The following RPH3A variants were observed in gnomAD, a reference collection of about 807,000 sequenced individuals.
RPH3A encodes the protein rabphilin 3A, also known as rabphilin-3A.
Under a neutral mutation model 102.2 loss-of-function variants are expected in RPH3A, and 48 were observed. That is an observed-to-expected ratio of 0.47 (90% CI 0.37 to 0.60). The LOEUF (loss-of-function observed/expected upper bound fraction) is 0.60. Ranked by LOEUF, RPH3A falls within the 20% of genes least tolerant of loss-of-function variation. RPH3A has a pLI of 0.00. For synonymous variants in RPH3A, 310 were observed against 324.3 expected (o/e 0.96, Z 0.47); for missense variants, 781 against 910.1 (o/e 0.86, Z 1.83).
Position 112,828,183 on chromosome 12 carries a change from C to G in RPH3A, c.-18-118C>G, listed in dbSNP as rs770337835. On this transcript the variant is annotated intron_variant, in intron 2 of 21. Coordinates refer to ENST00000389385, the MANE Select transcript of RPH3A (RefSeq NM_001143854.2). ...ACTCCCCATCTGGAAAATGAAGAAA[C>G]TGGATTTAGTTCTCTGTCTTCTCTA... The G allele has an allele frequency of 7.0e-5, 50 of 710,798 alleles. 1 individual carries two copies. The highest frequency in any genetic ancestry group is 1.1e-4 in the Non-Finnish European group (45 of 413,594). 44.0% of individuals were successfully genotyped at this position (710,798 alleles called of 1,614,324 possible).
chr12:112,584,042 C>T (rs2135959876), intron 1 of RPH3A, among the ~76,000 whole-genome samples: 1 of 152,270 alleles, frequency 6.6e-6, no homozygotes, highest in African/African-American at 2.4e-5. Context: ...TTTATGGACT[C>T]TGAGACTCTT....
chr12:112,771,881 A>G (rs2040929746), intron 1 of RPH3A, among the ~76,000 whole-genome samples: 1 of 152,234 alleles, frequency 6.6e-6, no homozygotes, highest in African/African-American at 2.4e-5. Context: ...ATAAGAAAAT[A>G]CAAAGAACAT....
chr12:112,763,276 C>G (rs1169847859), intron 1 of RPH3A, among the ~76,000 whole-genome samples: 1 of 152,216 alleles, frequency 6.6e-6, no homozygotes, highest in Admixed American at 6.5e-5. Flanking sequence ...AAGAGTCAAA[C>G]TCTGTAAAAT....
chr12:112,732,112 G>A (rs537565686), intron 1 of RPH3A, among the ~76,000 whole-genome samples: 43 of 152,262 alleles, frequency 2.8e-4, no homozygotes, highest in South Asian at 2.1e-4. Flanking sequence ...AAGCGTTTCT[G>A]GAGGCATGAA....
chr12:112,853,826 GAA>G (rs539988681), intron 5 of RPH3A, among the ~76,000 whole-genome samples: 1 of 138,122 alleles, frequency 7.2e-6, no homozygotes. Flanking sequence ...AGACTGTCTA[GAA>G]AAAAAAAAAA....
intron 1 of RPH3A, among the ~76,000 whole-genome samples, chr12:112,670,138 AT>A (rs2040117360): frequency 6.6e-6 from 1 of 152,208 alleles, no homozygotes; most frequent in African/African-American, 2.4e-5. Flanking sequence ...GGCGATATCC[AT>A]TTACTCATCC....
At position 112,609,559 on chromosome 12, in the gene RPH3A, T is replaced by C. The variant is rs566963032; in HGVS notation, c.-140+34240T>C. ...GTCCTGGATTCCTTCCAGTCTGCAC[T>C]AGGTGCTCCTTCTTGGTGCTCTCAC... On this transcript the variant is annotated intron_variant, in intron 1 of 21. Transcript: ENST00000543106. 8.5e-5 allele frequency among the ~76,000 whole-genome samples: 13 copies of C among 152,352 alleles called. No individual in the cohort carries two copies. The South Asian group carries it at 2.7e-3, about 32-fold the overall frequency.
chr12:112,613,441 G>T (rs2039654411), intron 1 of RPH3A, among the ~76,000 whole-genome samples: 1 of 152,094 alleles, frequency 6.6e-6, no homozygotes, highest in South Asian at 2.1e-4. Flanking sequence ...TGGAGTAATG[G>T]CTCCCAAAGA....
chr12:112,581,152 A>G (rs1447325338), intron 1 of RPH3A, among the ~76,000 whole-genome samples: 1 of 152,238 alleles, frequency 6.6e-6, no homozygotes, highest in African/African-American at 2.4e-5. Context: ...CATGCTGCTA[A>G]TAGAGACATA....
intron 1 of RPH3A, among the ~76,000 whole-genome samples, chr12:112,765,914 C>G (rs918213525): frequency 1.3e-5 from 2 of 152,186 alleles, no homozygotes; most frequent in East Asian, 3.8e-4. Context: ...AACTCAATGG[C>G]AGGAACTATG....
Position 112,865,959 on chromosome 12 carries a change from A to G in RPH3A, c.360+416A>G, listed in dbSNP as rs376281987. 2.4e-4 allele frequency among the ~76,000 whole-genome samples: 37 copies of G among 152,340 alleles called. 1 individual carries two copies. Among genetic ancestry groups the G allele is most frequent in the South Asian group, 1.9e-3 (9 of 4,828 alleles). ...CGTATCCTGGGTTCTGATACAAGAA[A>G]CTTAGAAAGCCAAGTTAGAATTATT... On this transcript the variant is annotated intron_variant, in intron 6 of 21. Transcript: ENST00000389385.
Position 112,767,318 on chromosome 12 carries a change from C to T in RPH3A, c.-139-24825C>T, listed in dbSNP as rs543525359. On this transcript the variant is annotated intron_variant, in intron 1 of 21. Coordinates refer to the RPH3A transcript ENST00000543106. ...AATGCTATTGGCATCCTCTCCTACC[C>T]CTTATTGTCCTCCTCCTCAATCTCA... 3.9e-5 allele frequency among the ~76,000 whole-genome samples: 6 copies of T among 152,162 alleles called. No individual in the cohort carries two copies. In the South Asian group the frequency reaches 1.2e-3, roughly 32 times the overall value.
At chr12:112,733,970 C>A (rs1209810896) in intron 1 of RPH3A, among the ~76,000 whole-genome samples, 2 of 152,122 alleles carry the variant, frequency 1.3e-5, no homozygotes, top group Non-Finnish European at 1.5e-5. Flanking sequence ...TAAGTGCCAA[C>A]CACTGTACTA....
intron 1 of RPH3A, among the ~76,000 whole-genome samples, chr12:112,577,408 G>T (rs555210912): frequency 6.6e-6 from 1 of 152,222 alleles, no homozygotes; most frequent in Non-Finnish European, 1.5e-5. Context: ...CGGTGAGTGT[G>T]TCTCTTAGCA....
chr12:112,801,322 C>T (rs1231511232), intron 2 of RPH3A, among the ~76,000 whole-genome samples: 1 of 152,228 alleles, frequency 6.6e-6, no homozygotes, highest in Non-Finnish European at 1.5e-5. Context: ...GGGAAGGAGA[C>T]TCATCACACA....
chr12:112,614,494 G>T lies in RPH3A; in HGVS notation c.-140+39175G>T, dbSNP rs114846368. Among the ~76,000 whole-genome samples the T allele has an allele frequency of 6.9e-3, 1,036 of 150,450 alleles. 18 individuals are homozygous for T. The highest frequency in any genetic ancestry group is 0.024 in the African/African-American group (999 of 40,878). On this transcript the variant is annotated intron_variant, in intron 1 of 21. Coordinates refer to the RPH3A transcript ENST00000543106. The stretch of plus-strand genomic sequence containing the variant: ...AGCCCAGAAGTTTGAGACCAGCCTG[G>T]ACATCACGGTGTAACCCTGTCTCTA...
At chr12:112,639,500 G>A (rs2039871216) in intron 1 of RPH3A, among the ~76,000 whole-genome samples, 1 of 152,156 alleles carries the variant, frequency 6.6e-6, no homozygotes, top group South Asian at 2.1e-4. Flanking sequence ...TGTCGGGGGA[G>A]AGGTGACGGG....
chr12:112,609,004 G>A (rs1450503376), intron 1 of RPH3A, among the ~76,000 whole-genome samples: 2 of 152,114 alleles, frequency 1.3e-5, no homozygotes, highest in African/African-American at 4.8e-5. Context: ...TACTAGCCAC[G>A]TTTCAAGTAT....
chr12:112,794,346 T>C (rs904865476), intron 2 of RPH3A, among the ~76,000 whole-genome samples: 1 of 152,224 alleles, frequency 6.6e-6, no homozygotes, highest in African/African-American at 2.4e-5. Flanking sequence ...TGACTGCACA[T>C]GCCCACATTT....
Sources: gnomAD v4.1 joint callset for allele counts (sites outside exome capture counted in the v4.1 genomes callset) on GRCh38, gnomAD v4.1.1 for gene constraint, MANE v1.5 for transcripts, NCBI Gene and HGNC (gene_info 2026-07-23, HGNC 2026-07-21) for gene names.